The following PCDH7 variants were observed in gnomAD, a reference collection of about 807,000 sequenced individuals.
The protein encoded by PCDH7 is protocadherin-7.
PCDH7 carries 17 observed loss-of-function variants against 58.9 expected under a neutral mutation model. The observed-to-expected ratio is 0.29, with a 90% confidence interval of 0.20 to 0.43. The LOEUF is 0.43. PCDH7 is among the 20% of genes least tolerant of loss of function. The pLI is 1.00. For missense variants in PCDH7, 1,274 were observed against 1,441.0 expected, an observed-to-expected ratio of 0.88 and a Z score of 1.88; for synonymous variants, 664 against 616.4, an observed-to-expected ratio of 1.08 and a Z score of -1.14.
intron 1 of PCDH7, among the ~76,000 whole-genome samples, chr4:30,798,117 AG>A (rs1401729974): frequency 2.0e-5 from 3 of 152,212 alleles, no homozygotes; most frequent in Non-Finnish European, 2.9e-5. Flanking sequence ...GTTGGTGTCC[AG>A]GCAGCATCAT....
At chr4:30,994,060 CAAAT>C (rs1318110130) in intron 3 of PCDH7, among the ~76,000 whole-genome samples, 2 of 109,676 alleles carry the variant, frequency 1.8e-5, no homozygotes, top group East Asian at 2.8e-4. Flanking sequence ...TTTATGTAGA[CAAAT>C]AAGTATAATA....
intron 3 of PCDH7, among the ~76,000 whole-genome samples, chr4:31,095,117 A>ATT (rs145860399): frequency 1.3e-4 from 19 of 148,378 alleles, no homozygotes; most frequent in Non-Finnish European, 7.5e-5. Flanking sequence ...CAGACAGGGT[A>ATT]TTTTTTTTTT....
chr4:31,002,509 T>C (rs74951438), intron 3 of PCDH7, among the ~76,000 whole-genome samples: 7,969 of 152,168 alleles, frequency 0.052, 682 homozygotes, highest in African/African-American at 0.18. Flanking sequence ...GAGGGAAAGA[T>C]TTTTTGCAAT....
intron 1 of PCDH7, among the ~76,000 whole-genome samples, chr4:30,872,273 G>C (rs554390220): frequency 6.6e-6 from 1 of 152,132 alleles, no homozygotes; most frequent in East Asian, 1.9e-4. Context: ...ACTTAGACCA[G>C]GGATCAGAAA....
chr4:31,086,198 C>T (rs184762553), intron 3 of PCDH7, among the ~76,000 whole-genome samples: 2 of 152,270 alleles, frequency 1.3e-5, no homozygotes, highest in African/African-American at 4.8e-5. Flanking sequence ...TATACTGTCT[C>T]ACCACTTTCT....
intron 3 of PCDH7, among the ~76,000 whole-genome samples, chr4:31,020,873 T>C (rs1292279097): frequency 1.3e-5 from 2 of 152,228 alleles, no homozygotes; most frequent in East Asian, 1.9e-4. Context: ...CATTGATTTC[T>C]ACCCACTGAT....
At chr4:30,727,091 T>C (rs1560305197) in intron 1 of PCDH7, among the ~76,000 whole-genome samples, 1 of 151,978 alleles carries the variant, frequency 6.6e-6, no homozygotes, top group Non-Finnish European at 1.5e-5. Flanking sequence ...AATGGATTTA[T>C]CTAAGGTAAA....
At chr4:30,959,075 A>G (rs1033005682) in intron 3 of PCDH7, among the ~76,000 whole-genome samples, 1 of 152,058 alleles carries the variant, frequency 6.6e-6, no homozygotes, top group African/African-American at 2.4e-5. Flanking sequence ...TGGTATAGAA[A>G]TCACTAGATT....
At chr4:30,977,498 C>T (rs575894924) in intron 3 of PCDH7, among the ~76,000 whole-genome samples, 1 of 152,194 alleles carries the variant, frequency 6.6e-6, no homozygotes, top group South Asian at 2.1e-4. Flanking sequence ...GATTTTTCTT[C>T]TTCCTTCTTC....
intron 2 of PCDH7, among the ~76,000 whole-genome samples, chr4:30,945,568 G>T (rs933286261): frequency 6.6e-6 from 1 of 150,610 alleles, no homozygotes; most frequent in Non-Finnish European, 1.5e-5. Flanking sequence ...AAATGCTTCA[G>T]GTCATGCCTA....
At chr4:30,736,660 C>G (rs144066791), downstream of PCDH7, among the ~76,000 whole-genome samples, 7 of 151,552 alleles carry the variant, frequency 4.6e-5, no homozygotes, top group South Asian at 6.2e-4. Flanking sequence ...CTCAGCCTCC[C>G]GAGTAGCTGG....
chr4:30,947,728 A>G (rs538992650), intron 2 of PCDH7, among the ~76,000 whole-genome samples: 18 of 152,274 alleles, frequency 1.2e-4, no homozygotes, highest in East Asian at 1.9e-4. Context: ...TCTTCTAGCT[A>G]TGTGAAACTA....
chr4:31,131,451 C>T (rs905113171), intron 3 of PCDH7, among the ~76,000 whole-genome samples: 4 of 152,078 alleles, frequency 2.6e-5, no homozygotes, highest in Non-Finnish European at 2.9e-5. Flanking sequence ...ATTGTGATTG[C>T]CAATTTTACT....
At chr4:30,786,241 A>C (rs1036022416) in intron 1 of PCDH7, among the ~76,000 whole-genome samples, 11 of 152,072 alleles carry the variant, frequency 7.2e-5, no homozygotes, top group African/African-American at 2.7e-4. Flanking sequence ...GATTGCATTA[A>C]GAGACTAGAG....
Position 30,722,187 on chromosome 4 carries a change from G to T in PCDH7, c.765G>T (p.Glu255Asp). Residue 255 changes from glutamate (E) to aspartate (D), a missense_variant, in exon 1 of 2, where the codon GAG becomes GAT. By Grantham distance (45) the Glu-to-Asp change is conservative. Around this residue, in one of 3 missense-constraint regions of PCDH7, gnomAD observed 331 missense variants for 303.2 expected, o/e 1.09. Coordinates refer to ENST00000361762, the Ensembl canonical transcript of PCDH7. This position sits in a 1 kb window ranked among gnomAD's most constrained non-coding sequence, Gnocchi z 7.6. ...AGGTGGCGGACACCCCGGACGGCGA[G>T]AAGCAGCCGCAGCTGATCGTGAAGG... 1 of 1,564,948 alleles carries T rather than the reference G, an allele frequency of 6.4e-7. No homozygotes were observed. Among genetic ancestry groups the T allele is most frequent in the Non-Finnish European group, 8.7e-7 (1 of 1,155,802 alleles).
At chr4:30,919,742 A>C (rs1203318410) in intron 1 of PCDH7, among the ~76,000 whole-genome samples, 3 of 152,194 alleles carry the variant, frequency 2.0e-5, no homozygotes, top group African/African-American at 4.8e-5. Context: ...AGTATTTAAA[A>C]ATTGAGTCTT....
chr4:30,861,719 C>T (rs969997986), intron 1 of PCDH7, among the ~76,000 whole-genome samples: 6 of 151,962 alleles, frequency 3.9e-5, no homozygotes, highest in African/African-American at 1.4e-4. Context: ...GACTATAAAC[C>T]CAATGCTTTT....
chr4:30,760,406 T>A (rs1309783204), intron 1 of PCDH7, among the ~76,000 whole-genome samples: 1 of 152,190 alleles, frequency 6.6e-6, no homozygotes, highest in Non-Finnish European at 1.5e-5. Context: ...AGCCAAATTG[T>A]CTTTGTTTAC....
At chr4:30,817,819 C>T (rs1727887287) in intron 1 of PCDH7, among the ~76,000 whole-genome samples, 1 of 152,152 alleles carries the variant, frequency 6.6e-6, no homozygotes, top group Non-Finnish European at 1.5e-5. Flanking sequence ...AACCCTGGCC[C>T]CTACAGCACT....
Sources: allele counts gnomAD v4.1 joint callset (sites outside exome capture counted in the v4.1 genomes callset), GRCh38; gene constraint gnomAD v4.1.1; regional missense constraint gnomAD v4.1.1; non-coding constraint Gnocchi (gnomAD v3.1); transcripts MANE v1.5; gene names NCBI Gene and HGNC (gene_info 2026-07-23, HGNC 2026-07-21).